RAPGEF1: variants seen among roughly 807,000 people sequenced by gnomAD.
The protein encoded by RAPGEF1 is Rap guanine nucleotide exchange factor 1, also known as CRK SH3-binding GNRP.
A neutral mutation model predicts 143.3 loss-of-function variants in RAPGEF1; 33 were observed. That is an observed-to-expected ratio of 0.23 (90% CI 0.17 to 0.31). RAPGEF1 has a LOEUF of 0.31. RAPGEF1 is among the 10% of genes least tolerant of loss of function. The pLI, the probability that RAPGEF1 is intolerant of heterozygous loss-of-function variation, is 1.00. For synonymous variants in RAPGEF1, 629 were observed against 676.5 expected, an observed-to-expected ratio of 0.93 and a Z score of 1.09; for missense variants, 1,199 against 1,645.4, an observed-to-expected ratio of 0.73 and a Z score of 4.69.
intron 5 of RAPGEF1, among the ~76,000 whole-genome samples, chr9:131,636,695 AG>A (rs2133203019): frequency 6.6e-6 from 1 of 152,342 alleles, no homozygotes; most frequent in Non-Finnish European, 1.5e-5. Context: ...AAGCCTAGAC[AG>A]GAACAGCAGG....
At chr9:131,620,803 G>T (rs1300720639) in intron 11 of RAPGEF1, among the ~76,000 whole-genome samples, 1 of 152,186 alleles carries the variant, frequency 6.6e-6, no homozygotes, top group Admixed American at 6.5e-5. Flanking sequence ...AGTAATCCAG[G>T]GACATTTGTC....
At chr9:131,676,490 C>G (rs903652093) in intron 1 of RAPGEF1, among the ~76,000 whole-genome samples, 8 of 152,208 alleles carry the variant, frequency 5.3e-5, no homozygotes, top group African/African-American at 1.7e-4. Context: ...ACTTGGCTCC[C>G]AGCCCAACCA....
In RAPGEF1 at chr9:131,579,453, C is replaced by G. The variant is rs772596490; in HGVS notation, c.*44G>C. On this transcript the variant is annotated 3_prime_UTR_variant, in exon 27 of 27. Transcript: ENST00000683357. ...AGGTCCTCTCCGGTCTGGGAGCTGC[C>G]CTCTGCGCCCCTCGAGCATTCTCCT... 6.2e-7 allele frequency: 1 copy of G among 1,604,534 alleles called. No homozygotes were observed. Among genetic ancestry groups the G allele is most frequent in the Non-Finnish European group, 8.5e-7 (1 of 1,174,442 alleles).
chr9:131,723,837 T>G (rs1836443602), intron 1 of RAPGEF1, among the ~76,000 whole-genome samples: 1 of 152,172 alleles, frequency 6.6e-6, no homozygotes, highest in Non-Finnish European at 1.5e-5. Context: ...TATTTTTAGT[T>G]TTTTGGCGAG....
intron 1 of RAPGEF1, among the ~76,000 whole-genome samples, chr9:131,694,244 G>T (rs1454687982): frequency 6.6e-6 from 1 of 152,152 alleles, no homozygotes; most frequent in Non-Finnish European, 1.5e-5. Flanking sequence ...GAGGAATTCT[G>T]CCTTTTTCAG....
At chr9:131,719,744 G>A (rs1415639767) in intron 1 of RAPGEF1, among the ~76,000 whole-genome samples, 1 of 151,696 alleles carries the variant, frequency 6.6e-6, no homozygotes, top group Non-Finnish European at 1.5e-5. Context: ...CTACAGAGGA[G>A]GAAACTAAGA....
chr9:131,697,215 C>A (rs888520105), intron 1 of RAPGEF1, among the ~76,000 whole-genome samples: 12 of 152,322 alleles, frequency 7.9e-5, no homozygotes, highest in Admixed American at 5.9e-4. Context: ...CTTCCTCACA[C>A]TCAGCTGGCT....
intron 1 of RAPGEF1, among the ~76,000 whole-genome samples, chr9:131,668,563 C>T (rs1455153292): frequency 6.6e-6 from 1 of 152,086 alleles, no homozygotes; most frequent in Non-Finnish European, 1.5e-5. Context: ...TAAACCTCCC[C>T]TCCCCTCCCA....
chr9:131,726,684 C>T (rs2131311490), intron 1 of RAPGEF1, among the ~76,000 whole-genome samples: 1 of 147,396 alleles, frequency 6.8e-6, no homozygotes. Flanking sequence ...AAGGGTATGA[C>T]TGCAAAGGGG....
At chr9:131,662,617 G>A (rs540503688) in intron 1 of RAPGEF1, among the ~76,000 whole-genome samples, 11 of 150,672 alleles carry the variant, frequency 7.3e-5, no homozygotes, top group African/African-American at 2.7e-4. Context: ...GCACGATCTC[G>A]GCTCACTGCC....
intron 5 of RAPGEF1, among the ~76,000 whole-genome samples, chr9:131,632,462 GAAA>G (rs1965199460): frequency 6.6e-6 from 1 of 152,076 alleles, no homozygotes; most frequent in Non-Finnish European, 1.5e-5. Flanking sequence ...TCCTGTCCAA[GAAA>G]AATGTCATGA....
In RAPGEF1 at chr9:131,667,859, C is replaced by T. The variant is rs541534713; in HGVS notation, c.62-16910G>A. 7.2e-5 allele frequency among the ~76,000 whole-genome samples: 11 copies of T among 152,204 alleles called. No individual in the cohort carries two copies. The highest frequency in any genetic ancestry group is 4.6e-4 in the Admixed American group (7 of 15,290). On this transcript the variant is annotated intron_variant, in intron 1 of 26. Transcript: ENST00000683357. This position sits in a 1 kb window ranked among gnomAD's most constrained non-coding sequence, Gnocchi z 4.6. ...AGTAGTGATCTTTACCTCACTGGGC[C>T]GTTGGGAGGATGTCATACAGTACTG...
chr9:131,596,090 G>C (rs950480974), intron 17 of RAPGEF1, among the ~76,000 whole-genome samples: 5 of 152,194 alleles, frequency 3.3e-5, no homozygotes, highest in African/African-American at 1.2e-4. Context: ...TGTACCAGCG[G>C]AGGACAGATG....
chr9:131,706,109 C>T (rs899809234), intron 1 of RAPGEF1, among the ~76,000 whole-genome samples: 3 of 152,134 alleles, frequency 2.0e-5, no homozygotes, highest in Non-Finnish European at 4.4e-5. Flanking sequence ...ATCCACATAA[C>T]GATATGCCCA....
rs1313299050 is a variant in RAPGEF1, at chr9:131,650,633, ACT to A, written c.201+175_201+176del. 6.6e-6 allele frequency among the ~76,000 whole-genome samples: 1 copy of A among 152,130 alleles called. No homozygotes were observed. Among genetic ancestry groups the A allele is most frequent in the East Asian group, 1.9e-4 (1 of 5,188 alleles). ...ACTGAGCTTGGCTAACGTGGCAAAC[ACT>A]CACCATCCTAATGGTTCTTATTTTA... On this transcript the variant is annotated intron_variant, in intron 2 of 26. Coordinates refer to ENST00000683357, the MANE Select transcript of RAPGEF1 (RefSeq NM_001377935.1). The surrounding 1 kb of genome is among the most constrained non-coding windows in gnomAD (Gnocchi z 4.7).
At chr9:131,718,355 G>T (rs566262031) in intron 1 of RAPGEF1, among the ~76,000 whole-genome samples, 1 of 152,220 alleles carries the variant, frequency 6.6e-6, no homozygotes, top group Non-Finnish European at 1.5e-5. Flanking sequence ...ACATGTGTGG[G>T]GAAGCCCCAG....
intron 11 of RAPGEF1, among the ~76,000 whole-genome samples, 187 bp from the exon 12 acceptor site, chr9:131,619,393 G>A (rs145287374): frequency 6.6e-6 from 1 of 152,300 alleles, no homozygotes; most frequent in Non-Finnish European, 1.5e-5. Flanking sequence ...CTGCATGAAA[G>A]GGCACCCTCC....
At position 131,730,473 on chromosome 9, in the gene RAPGEF1, T is replaced by C. The variant is rs1836975582; in HGVS notation, c.61+9297A>G. On this transcript the variant is annotated intron_variant, in intron 1 of 26. Transcript: ENST00000683357. ...GGCGGCGGATCACAAGGTCAGGAGT[T>C]CAAGACCAGCCTGGCCAAAGAGACC... Among the ~76,000 whole-genome samples the C allele has an allele frequency of 3.3e-5, 5 of 151,356 alleles. No homozygotes were observed. The South Asian group carries it at 1.0e-3, about 32-fold the overall frequency.
At chr9:131,622,026 G>C in intron 10 of RAPGEF1, 28 bp from the exon 11 acceptor site, 2 of 1,585,708 alleles carry the variant, frequency 1.3e-6, no homozygotes, top group Non-Finnish European at 1.7e-6. Context: ...AAGCTGCAGC[G>C]AGGCCGGGGG....
Sources: gnomAD v4.1 joint callset for allele counts (sites outside exome capture counted in the v4.1 genomes callset) on GRCh38, gnomAD v4.1.1 for gene constraint, Gnocchi (gnomAD v3.1) non-coding constraint, MANE v1.5 for transcripts, NCBI Gene and HGNC (gene_info 2026-07-23, HGNC 2026-07-21) for gene names.